CDH12: variants seen among roughly 807,000 people sequenced by gnomAD.
The protein encoded by CDH12 is cadherin 12, also known as cadherin-12.
CDH12 carries 41 observed loss-of-function variants against 74.1 expected under a neutral mutation model. The ratio of observed to expected loss-of-function variants is 0.55; its 90% CI spans 0.43 to 0.72. The LOEUF (loss-of-function observed/expected upper bound fraction) is 0.72, where lower values mean the gene tolerates loss of function less well. Among genes scored for constraint, CDH12 ranks in the 30% least tolerant of loss-of-function variants. The pLI is 0.00. For synonymous variants in CDH12, 399 were observed against 355.0 expected, an observed-to-expected ratio of 1.12 and a Z score of -1.39; for missense variants, 945 against 977.2, an observed-to-expected ratio of 0.97 and a Z score of 0.44.
chr5:22,095,536 C>G (rs114947889), intron 4 of CDH12, among the ~76,000 whole-genome samples: 1 of 151,972 alleles, frequency 6.6e-6, no homozygotes, highest in Non-Finnish European at 1.5e-5. Flanking sequence ...TTCTGGGAGG[C>G]AAGAACACTC....
intron 8 of CDH12, among the ~76,000 whole-genome samples, chr5:21,820,183 C>A (rs1748288626): frequency 1.3e-5 from 2 of 151,834 alleles, no homozygotes; most frequent in South Asian, 2.1e-4. Context: ...CAATAATATG[C>A]TGAGATACGA....
chr5:22,013,826 T>C (rs912059969), intron 5 of CDH12, among the ~76,000 whole-genome samples: 1 of 152,198 alleles, frequency 6.6e-6, no homozygotes, highest in Admixed American at 6.6e-5. Context: ...CTTTTTAAAG[T>C]GTCTCTTAAT....
Position 22,078,616 on chromosome 5 carries a change from T to C in CDH12, c.61A>G (p.Thr21Ala). ...LWVLFDGGLL[T>A]PLQPQPQQTL... is the part of the protein sequence containing the mutation. ...TGCTGTGGCTGTGGTTGTAGTGGTGTTAGGAGACCTCCATCAAACAGAACC... is the reference window on the plus strand; with the variant it reads ...TGCTGTGGCTGTGGTTGTAGTGGTGCTAGGAGACCTCCATCAAACAGAACC... The change falls in exon 5 of 15, where the codon ACA (threonine) becomes GCA (alanine). Residue 21 changes from threonine to alanine, a missense_variant. Coordinates refer to ENST00000382254, the MANE Select transcript of CDH12 (RefSeq NM_004061.5). The C allele has an allele frequency of 6.2e-7, 1 of 1,613,904 alleles. No individual in the cohort carries two copies. The highest frequency in any genetic ancestry group is 8.5e-7 in the Non-Finnish European group (1 of 1,179,852).
chr5:22,775,208 C>T (rs948276232), intron 1 of CDH12, among the ~76,000 whole-genome samples: 1 of 152,014 alleles, frequency 6.6e-6, no homozygotes, highest in Non-Finnish European at 1.5e-5. Context: ...TTGGATGCAT[C>T]AGCCTGGACA....
intron 6 of CDH12, among the ~76,000 whole-genome samples, chr5:21,942,341 T>C (rs1298828573): frequency 2.0e-5 from 2 of 98,314 alleles, no homozygotes; most frequent in Non-Finnish European, 4.1e-5. Context: ...ACAGTATATA[T>C]ATATATACAC....
At chr5:22,659,085 A>G (rs1740214692) in intron 1 of CDH12, among the ~76,000 whole-genome samples, 1 of 152,152 alleles carries the variant, frequency 6.6e-6, no homozygotes, top group Non-Finnish European at 1.5e-5. Flanking sequence ...AAACAAGATG[A>G]TGGATTTAAA....
chr5:22,067,125 T>C (rs987468667), intron 5 of CDH12, among the ~76,000 whole-genome samples: 2 of 152,204 alleles, frequency 1.3e-5, no homozygotes, highest in Non-Finnish European at 2.9e-5. Flanking sequence ...CACAGGGATC[T>C]TGATTACCTT....
chr5:22,367,998 A>C (rs1273655661), intron 3 of CDH12, among the ~76,000 whole-genome samples: 1 of 152,200 alleles, frequency 6.6e-6, no homozygotes, highest in African/African-American at 2.4e-5. Flanking sequence ...AGAAATACGA[A>C]GTAAATTCTA....
intron 2 of CDH12, among the ~76,000 whole-genome samples, chr5:22,424,942 A>C (rs529032636): frequency 1.9e-3 from 296 of 151,804 alleles, no homozygotes; most frequent in African/African-American, 6.8e-3. Flanking sequence ...TGAATATAAA[A>C]TATGCCAAAC....
intron 1 of CDH12, among the ~76,000 whole-genome samples, chr5:22,654,851 G>C (rs1241805106): frequency 6.6e-6 from 1 of 151,102 alleles, no homozygotes; most frequent in Non-Finnish European, 1.5e-5. Context: ...GGCTGGTCTC[G>C]AACTCCCGAC....
intron 1 of CDH12, among the ~76,000 whole-genome samples, chr5:22,711,077 T>A (rs933258250): frequency 2.1e-4 from 16 of 75,428 alleles, no homozygotes; most frequent in African/African-American, 5.7e-4. Flanking sequence ...CGCAGTGTTT[T>A]TATCCTAGTA....
Position 22,772,940 on chromosome 5 carries a change from C to T in CDH12, c.-523+80118G>A, listed in dbSNP as rs138109027. 1.3e-4 allele frequency among the ~76,000 whole-genome samples: 19 copies of T among 151,936 alleles called. No individual in the cohort carries two copies. In the East Asian group the frequency reaches 3.1e-3, roughly 25 times the overall value. The stretch of plus-strand genomic sequence containing the variant: ...AAAATTAAAATACCTAGAAATACAA[C>T]GAACCAAGGAGGTGAAAGATCTCTA... On this transcript the variant is annotated intron_variant, in intron 1 of 14. Coordinates refer to ENST00000382254, the MANE Select transcript of CDH12 (RefSeq NM_004061.5).
At chr5:21,818,741 C>T (rs1185793931) in intron 8 of CDH12, among the ~76,000 whole-genome samples, 1 of 151,800 alleles carries the variant, frequency 6.6e-6, no homozygotes, top group Admixed American at 6.6e-5. Flanking sequence ...TTAGTTAATT[C>T]ATACTTTCAA....
chr5:22,000,128 T>C (rs1736518392), intron 5 of CDH12, among the ~76,000 whole-genome samples: 1 of 152,130 alleles, frequency 6.6e-6, no homozygotes, highest in Non-Finnish European at 1.5e-5. Flanking sequence ...TCTTTTTTCT[T>C]ATTAAAATTA....
intron 4 of CDH12, among the ~76,000 whole-genome samples, chr5:22,197,461 A>C (rs1750687860): frequency 6.6e-6 from 1 of 152,066 alleles, no homozygotes; most frequent in Admixed American, 6.6e-5. Flanking sequence ...TAAATAAATA[A>C]ATACATAAAT....
At chr5:22,502,872 C>G (rs1227371755) in intron 2 of CDH12, among the ~76,000 whole-genome samples, 1 of 152,156 alleles carries the variant, frequency 6.6e-6, no homozygotes, top group Non-Finnish European at 1.5e-5. Flanking sequence ...ATTTCATTCT[C>G]TAACTCCTCA....
intron 6 of CDH12, among the ~76,000 whole-genome samples, chr5:21,879,210 G>T (rs907608783): frequency 6.6e-6 from 1 of 151,326 alleles, no homozygotes; most frequent in Non-Finnish European, 1.5e-5. Flanking sequence ...TTTAAAAGTT[G>T]GACAGCAGTT....
chr5:22,217,339 CTT>C (rs567236876), intron 3 of CDH12, among the ~76,000 whole-genome samples: 19 of 151,746 alleles, frequency 1.3e-4, no homozygotes, highest in African/African-American at 3.9e-4. Context: ...GTAAAGGTAA[CTT>C]AATTAAAATG....
At chr5:22,677,579 A>G (rs1312127706) in intron 1 of CDH12, among the ~76,000 whole-genome samples, 1 of 152,040 alleles carries the variant, frequency 6.6e-6, no homozygotes, top group Non-Finnish European at 1.5e-5. Context: ...TTGAATGTCA[A>G]CATATGAATT....
Sources: gnomAD v4.1 joint callset for allele counts (sites outside exome capture counted in the v4.1 genomes callset) on GRCh38, gnomAD v4.1.1 for gene constraint, MANE v1.5 for transcripts, NCBI Gene and HGNC (gene_info 2026-07-23, HGNC 2026-07-21) for gene names.